The following TTC39C variants were observed in gnomAD, a reference collection of about 807,000 sequenced individuals.
The protein encoded by TTC39C is tetratricopeptide repeat domain 39C.
Under a neutral mutation model 76.3 loss-of-function variants are expected in TTC39C, and 33 were observed. The ratio of observed to expected loss-of-function variants is 0.43; its 90% CI spans 0.33 to 0.58. TTC39C has a LOEUF of 0.58. Among genes scored for constraint, TTC39C ranks in the 20% least tolerant of loss-of-function variants. TTC39C has a pLI of 0.04. For missense variants in TTC39C, 595 were observed against 701.4 expected (o/e 0.85, Z 1.71); for synonymous variants, 254 against 260.6 (o/e 0.97, Z 0.24).
At chr18:24,019,523 G>A (rs1262791422) in intron 1 of TTC39C, among the ~76,000 whole-genome samples, 1 of 152,250 alleles carries the variant, frequency 6.6e-6, no homozygotes, top group Non-Finnish European at 1.5e-5. Flanking sequence ...TCAAAGGAAT[G>A]TATGGACCCT....
chr18:24,073,033 G>A (rs984544080), intron 4 of TTC39C, among the ~76,000 whole-genome samples: 7 of 152,190 alleles, frequency 4.6e-5, no homozygotes, highest in African/African-American at 1.2e-4. Flanking sequence ...TGCTGTCCAC[G>A]TGCTCCCACC....
At chr18:24,008,083 A>G (rs2083367783) in intron 1 of TTC39C, among the ~76,000 whole-genome samples, 1 of 152,214 alleles carries the variant, frequency 6.6e-6, no homozygotes, top group Non-Finnish European at 1.5e-5. Context: ...AAGTCAGTGC[A>G]TTGCAGGACC....
At chr18:24,132,409 G>C in intron 13 of TTC39C, 76 bp from the exon 14 acceptor site, 1 of 1,283,568 alleles carries the variant, frequency 7.8e-7, no homozygotes, top group Non-Finnish European at 1.1e-6. Flanking sequence ...ATGCAAAATT[G>C]AGTGTGCTTT....
intron 1 of TTC39C, among the ~76,000 whole-genome samples, chr18:24,056,376 C>G (rs576272104): frequency 6.6e-6 from 1 of 152,152 alleles, no homozygotes; most frequent in East Asian, 1.9e-4. Context: ...ATTCTAGGAA[C>G]TAAACATTAA....
At chr18:24,107,896 G>T (rs200957293) in intron 6 of TTC39C, among the ~76,000 whole-genome samples, 2 of 124,252 alleles carry the variant, frequency 1.6e-5, no homozygotes, top group East Asian at 5.9e-4. Flanking sequence ...GTAGGGGGGG[G>T]GGTACAGGCA....
intron 6 of TTC39C, among the ~76,000 whole-genome samples, chr18:24,085,491 C>T (rs1599310631): frequency 6.6e-6 from 1 of 152,224 alleles, no homozygotes; most frequent in East Asian, 1.9e-4. Context: ...TTAGTTTGTG[C>T]CACGACTAAT....
Position 24,067,648 on chromosome 18 carries a change from A to G in TTC39C, c.345+1508A>G, listed in dbSNP as rs181805687. On this transcript the variant is annotated intron_variant, in intron 3 of 13. Coordinates refer to ENST00000317571, the MANE Select transcript of TTC39C (RefSeq NM_001135993.2). ...TGAGGTGGAACAGTTTCATCCTGAA[A>G]CCATTAACCCATCTCCTCCCACCCC... is the stretch of plus-strand genomic sequence containing the variant. Among the ~76,000 whole-genome samples the G allele has an allele frequency of 3.7e-3, 563 of 152,068 alleles. 2 individuals are homozygous for G. Among genetic ancestry groups the G allele is most frequent in the Non-Finnish European group, 6.1e-3 (413 of 67,966 alleles).
chr18:24,005,802 A>G (rs1293596407), intron 1 of TTC39C, among the ~76,000 whole-genome samples: 6 of 151,470 alleles, frequency 4.0e-5, no homozygotes, highest in African/African-American at 1.5e-4. Context: ...CTATGATTGC[A>G]CCACTGTACT....
At chr18:24,097,698 T>C (rs929220761) in intron 6 of TTC39C, among the ~76,000 whole-genome samples, 1 of 152,254 alleles carries the variant, frequency 6.6e-6, no homozygotes, top group African/African-American at 2.4e-5. Context: ...CGTAAACTTA[T>C]ACATTTGCAA....
intron 1 of TTC39C, chr18:24,000,705 C>T (rs1035673390): frequency 1.3e-5 from 2 of 152,250 alleles, no homozygotes; most frequent in Non-Finnish European, 2.9e-5. Context: ...CACAGTCACA[C>T]AGCGCTCTGT....
chr18:24,056,671 C>G (rs1196232817), intron 1 of TTC39C, among the ~76,000 whole-genome samples: 1 of 152,118 alleles, frequency 6.6e-6, no homozygotes, highest in Non-Finnish European at 1.5e-5. Context: ...GGATCAGTTG[C>G]TTCCTTTCAT....
At chr18:24,035,826 T>C (rs937964572) in intron 1 of TTC39C, among the ~76,000 whole-genome samples, 5 of 152,236 alleles carry the variant, frequency 3.3e-5, no homozygotes, top group African/African-American at 9.6e-5. Context: ...TGTGTGTGCC[T>C]TTGGTATCAC....
chr18:24,119,982 G>A (rs567415633), intron 8 of TTC39C, among the ~76,000 whole-genome samples: 15 of 149,654 alleles, frequency 1.0e-4, no homozygotes, highest in Non-Finnish European at 2.1e-4. Context: ...CCAATATTTG[G>A]CAATCCCAGA....
chr18:24,011,167 G>T (rs965984417), upstream of TTC39C, among the ~76,000 whole-genome samples: 3 of 152,188 alleles, frequency 2.0e-5, no homozygotes, highest in African/African-American at 7.2e-5. Context: ...TAACAGATCT[G>T]GGATTTCCCA....
chr18:24,045,915 ATATATATATATATTTTTTTTT>A (rs1209158855), intron 1 of TTC39C, among the ~76,000 whole-genome samples: 3 of 20,272 alleles, frequency 1.5e-4, no homozygotes, highest in Non-Finnish European at 8.2e-5. Flanking sequence ...ATATATATAT[ATATATATATATATTTTTTTTT>A]TTTTTTTTTT....
At chr18:24,045,898 T>TATATATATATATATATATGTATATGTAC (rs2083864020) in intron 1 of TTC39C, among the ~76,000 whole-genome samples, 1 of 37,302 alleles carries the variant, frequency 2.7e-5, no homozygotes, top group African/African-American at 1.5e-4. Context: ...TGAAAATATA[T>TATATATATATATATATATGTATATGTAC]ATATATATAT....
chr18:23,993,268 T>A (rs186674910), intron 1 of TTC39C, among the ~76,000 whole-genome samples: 16 of 152,352 alleles, frequency 1.1e-4, no homozygotes, highest in East Asian at 3.9e-4. Context: ...ACTTTCTCAG[T>A]GCCATTCTTT....
intron 1 of TTC39C, among the ~76,000 whole-genome samples, chr18:24,018,614 ACT>A (rs1239074747): frequency 2.0e-5 from 3 of 152,122 alleles, no homozygotes; most frequent in African/African-American, 7.2e-5. Flanking sequence ...GCAGCGTCTA[ACT>A]CAGCCTGAAG....
chr18:24,044,705 G>A (rs908667884), intron 1 of TTC39C, among the ~76,000 whole-genome samples: 1 of 152,200 alleles, frequency 6.6e-6, no homozygotes, highest in African/African-American at 2.4e-5. Flanking sequence ...GTACCTGTGG[G>A]GAAAGGATCT....
Sources: allele counts gnomAD v4.1 joint callset (sites outside exome capture counted in the v4.1 genomes callset), GRCh38; gene constraint gnomAD v4.1.1; transcripts MANE v1.5; gene names NCBI Gene and HGNC (gene_info 2026-07-23, HGNC 2026-07-21).